The following ETNK1 variants were observed in gnomAD, a reference collection of about 807,000 sequenced individuals.
The protein encoded by ETNK1 is ethanolamine kinase 1, also known as putative protein product of Nbla10396.
ETNK1 carries 8 observed loss-of-function variants against 45.1 expected under a neutral mutation model. That is an observed-to-expected ratio of 0.18 (90% confidence interval 0.10 to 0.32). The LOEUF (loss-of-function observed/expected upper bound fraction) is 0.32. Ranked by LOEUF, ETNK1 falls within the 10% of genes least tolerant of loss-of-function variation. The pLI is 1.00. For synonymous variants in ETNK1, 152 were observed against 151.9 expected (o/e 1.00, Z -0.01); for missense variants, 302 against 430.6 (o/e 0.70, Z 2.64).
chr12:22,644,253 T>C (rs1274188116), intron 2 of ETNK1: 1 of 1,608,836 alleles, frequency 6.2e-7, no homozygotes, highest in South Asian at 1.1e-5. Flanking sequence ...CTACAAGATG[T>C]TTTGGATTAA....
At chr12:22,638,993 T>C (rs544053823) in intron 1 of ETNK1, 35 of 152,296 alleles carry the variant, frequency 2.3e-4, no homozygotes, top group African/African-American at 7.2e-4. Flanking sequence ...TACTGTTTAA[T>C]AGTCAGTTCA....
At chr12:22,650,761 G>A (rs577078576) in intron 2 of ETNK1, among the ~76,000 whole-genome samples, 1 of 152,050 alleles carries the variant, frequency 6.6e-6, no homozygotes, top group South Asian at 2.1e-4. Flanking sequence ...ATATAAAAAT[G>A]TAGCATTTTC....
chr12:22,679,702 G>GTTTTTTTTTTTTT (rs71444173), intron 6 of ETNK1, among the ~76,000 whole-genome samples: 2 of 128,544 alleles, frequency 1.6e-5, no homozygotes, highest in African/African-American at 3.4e-5. Flanking sequence ...TTGGTTTTTT[G>GTTTTTTTTTTTTT]TTTTTTTTTT....
At chr12:22,644,597 T>A (rs1270845869) in intron 2 of ETNK1, 2 of 201,642 alleles carry the variant, frequency 9.9e-6, no homozygotes, top group African/African-American at 4.6e-5. Context: ...AGACCAGCAG[T>A]TTGCAACCAT....
intron 3 of ETNK1, among the ~76,000 whole-genome samples, chr12:22,659,366 T>C (rs1202265869): frequency 6.6e-6 from 1 of 152,108 alleles, no homozygotes; most frequent in African/African-American, 2.4e-5. Flanking sequence ...AAATATGCCC[T>C]ACAACAGCAA....
chr12:22,672,172 C>T (rs1472473310), intron 5 of ETNK1, among the ~76,000 whole-genome samples: 2 of 151,948 alleles, frequency 1.3e-5, no homozygotes, highest in African/African-American at 4.8e-5. Flanking sequence ...AAAAGTTGGT[C>T]ATTTTTACCC....
At chr12:22,650,158 G>A (rs1953856710) in intron 2 of ETNK1, among the ~76,000 whole-genome samples, 1 of 151,634 alleles carries the variant, frequency 6.6e-6, no homozygotes, top group African/African-American at 2.4e-5. Context: ...CTGCAAGCTT[G>A]CTATAATTGC....
intron 2 of ETNK1, among the ~76,000 whole-genome samples, chr12:22,656,056 A>G (rs1408873618): frequency 1.3e-5 from 2 of 152,182 alleles, no homozygotes; most frequent in Non-Finnish European, 2.9e-5. Context: ...TCTAGCAGCT[A>G]TTGATGTTCA....
At chr12:22,640,835 A>G (rs1315127348) in intron 1 of ETNK1, among the ~76,000 whole-genome samples, 1 of 152,186 alleles carries the variant, frequency 6.6e-6, no homozygotes, top group Non-Finnish European at 1.5e-5. Context: ...AGCTACTACT[A>G]TCTGAAATAC....
At chr12:22,669,694 T>C in intron 4 of ETNK1, among the ~76,000 whole-genome samples, 1 of 152,156 alleles carries the variant, frequency 6.6e-6, no homozygotes. Context: ...GGTTAACTCT[T>C]AAAACTTTTT....
chr12:22,628,547 C>G (rs755729756), intron 1 of ETNK1, among the ~76,000 whole-genome samples: 3 of 151,964 alleles, frequency 2.0e-5, no homozygotes, highest in Non-Finnish European at 4.4e-5. Context: ...TTATACTTTT[C>G]TTTGGAGAGT....
At chr12:22,652,007 C>T (rs189645610) in intron 2 of ETNK1, among the ~76,000 whole-genome samples, 1 of 152,130 alleles carries the variant, frequency 6.6e-6, no homozygotes, top group African/African-American at 2.4e-5. Flanking sequence ...TTTTAAACAA[C>T]AAATCTTCTT....
Position 22,643,968 on chromosome 12 carries a change from T to C in ETNK1, c.362T>C (p.Phe121Ser). The change falls in exon 2 of 8, where the codon TTT (phenylalanine) becomes TCT (serine). Residue 121 changes from phenylalanine to serine, a missense_variant. Phe to Ser is a radical substitution (Grantham distance 155, BLOSUM62 -2). Around this residue, in one of 3 missense-constraint regions of ETNK1, gnomAD observed 205 missense variants for 259.9 expected, o/e 0.79. Transcript: ENST00000266517. ...TTCAATAATGGACTATGCTATGAAT[T>C]TATACAAGGAGAAGCACTGGATCCA... is the stretch of plus-strand genomic sequence containing the variant. ...CTFNNGLCYEFIQGEALDPKH... is the reference protein window; with the variant it reads ...CTFNNGLCYESIQGEALDPKH... 6.2e-7 allele frequency: 1 copy of C among 1,612,814 alleles called. No homozygotes were observed. Among genetic ancestry groups the C allele is most frequent in the Non-Finnish European group, 8.5e-7 (1 of 1,179,026 alleles).
chr12:22,642,249 A>T (rs1018930001), intron 1 of ETNK1, among the ~76,000 whole-genome samples: 1 of 152,104 alleles, frequency 6.6e-6, no homozygotes, highest in Non-Finnish European at 1.5e-5. Flanking sequence ...TCTATGACAT[A>T]TGAAGAAGTT....
intron 4 of ETNK1, among the ~76,000 whole-genome samples, chr12:22,670,530 T>C (rs16925270): frequency 0.037 from 5,620 of 152,270 alleles, 274 homozygotes; most frequent in East Asian, 0.22. Context: ...TGGAGAGTTA[T>C]AATGACATGC....
Position 22,625,294 on chromosome 12 carries a change from G to A in ETNK1, c.-137G>A. ...GCCTCCAGACGTTCTCCTGCCGCTC[G>A]CCCGCCCGTCCCAGCGCCCCCAGCC... is the stretch of plus-strand genomic sequence containing the variant. On this transcript the variant is annotated 5_prime_UTR_variant, in exon 1 of 8. Transcript: ENST00000266517. The A allele has an allele frequency of 1.2e-6, 2 of 1,607,136 alleles. No homozygotes were observed. Among genetic ancestry groups the A allele is most frequent in the Non-Finnish European group, 1.7e-6 (2 of 1,177,658 alleles).
Position 22,685,145 on chromosome 12 carries a change from A to G in ETNK1, c.*191A>G. 6.2e-6 allele frequency: 3 copies of G among 486,946 alleles called. No homozygotes were observed. The highest frequency in any genetic ancestry group is 3.2e-5 in the East Asian group (1 of 30,886). 30.2% of individuals were successfully genotyped at this position (486,946 alleles called of 1,614,324 possible). A position where few individuals can be genotyped will look rare whatever the true frequency, so the allele number is the denominator to read the frequency against. On this transcript the variant is annotated 3_prime_UTR_variant, in exon 8 of 8. Transcript: ENST00000266517. ...GATGTCAAGAAATATACCTACTGCT[A>G]TCCGTATGTGGTGGATTAGAAATGT...
chr12:22,674,743 A>G (rs905309196), intron 6 of ETNK1, among the ~76,000 whole-genome samples: 2 of 152,186 alleles, frequency 1.3e-5, no homozygotes, highest in Non-Finnish European at 2.9e-5. Context: ...TTAACCATCA[A>G]TCCCACTGTT....
rs956541399 is a variant in ETNK1 at position 22,685,227 on chromosome 12, A to G, written c.*273A>G. ...TTTAATTTCTTTGATAATTTAACCT[A>G]TGTTGTATGTGAATTATTTATTATA... On this transcript the variant is annotated 3_prime_UTR_variant, in exon 8 of 8. Transcript: ENST00000266517. The G allele has an allele frequency of 7.3e-6, 2 of 273,986 alleles. No individual in the cohort carries two copies. The highest frequency in any genetic ancestry group is 1.4e-5 in the Non-Finnish European group (2 of 146,028). The allele number at this position is 273,986 out of a possible 1,614,324, so 17.0% of individuals were successfully genotyped here.
Sources: allele counts gnomAD v4.1 joint callset (sites outside exome capture counted in the v4.1 genomes callset), GRCh38; gene constraint gnomAD v4.1.1; regional missense constraint gnomAD v4.1.1; transcripts MANE v1.5; gene names NCBI Gene and HGNC (gene_info 2026-07-23, HGNC 2026-07-21).